Variants in PAK1 observed in about 807,000 individuals in gnomAD.
The protein encoded by PAK1 is p21 (RAC1) activated kinase 1, also known as serine/threonine-protein kinase PAK 1.
A neutral mutation model predicts 67.4 loss-of-function variants in PAK1; 29 were observed. The observed-to-expected ratio is 0.43, with a 90% CI of 0.32 to 0.59. PAK1 has a LOEUF of 0.59. PAK1 is among the 20% of genes least tolerant of loss of function. PAK1 has a pLI of 0.07. For missense variants in PAK1, 337 were observed against 670.7 expected, an observed-to-expected ratio of 0.50 and a Z score of 5.50; for synonymous variants, 223 against 237.4, an observed-to-expected ratio of 0.94 and a Z score of 0.56.
chr11:77,501,550 C>G, the PAK1 span, among the ~76,000 whole-genome samples: 1 of 152,222 alleles, frequency 6.6e-6, no homozygotes, highest in Admixed American at 6.5e-5. Flanking sequence ...CCACCCTGTT[C>G]CAGTGATCCA....
intron 5 of PAK1, among the ~76,000 whole-genome samples, chr11:77,366,938 C>T (rs1947672839): frequency 6.6e-6 from 1 of 152,108 alleles, no homozygotes; most frequent in Non-Finnish European, 1.5e-5. Flanking sequence ...GTAGGAACAA[C>T]CCAAGTACAC....
At chr11:77,490,297 C>G in the PAK1 span, among the ~76,000 whole-genome samples, 8 of 148,406 alleles carry the variant, frequency 5.4e-5, no homozygotes, top group Non-Finnish European at 8.9e-5. Context: ...TCAGCCCCCC[C>G]ACCCGGCCAG....
intron 1 of PAK1, among the ~76,000 whole-genome samples, chr11:77,460,781 A>G (rs1324266009): frequency 6.6e-6 from 1 of 152,144 alleles, no homozygotes; most frequent in East Asian, 1.9e-4. Context: ...CAAAGGAAGG[A>G]ATGGGTACAA....
At chr11:77,399,367 A>C (rs1263401811) in intron 1 of PAK1, among the ~76,000 whole-genome samples, 3 of 152,198 alleles carry the variant, frequency 2.0e-5, no homozygotes, top group Non-Finnish European at 4.4e-5. Context: ...TGATCAGTGA[A>C]GTTTCAGAAA....
chr11:77,468,282 T>C (rs1337970457), intron 1 of PAK1, among the ~76,000 whole-genome samples: 1 of 152,208 alleles, frequency 6.6e-6, no homozygotes, highest in African/African-American at 2.4e-5. Flanking sequence ...AGATGAATTC[T>C]ACAGTCAATC....
At chr11:77,364,701 C>A (rs1266589271) in intron 5 of PAK1, among the ~76,000 whole-genome samples, 5 of 152,068 alleles carry the variant, frequency 3.3e-5, no homozygotes, top group Non-Finnish European at 7.4e-5. Flanking sequence ...AAAAAGCAAT[C>A]AACAGGAACT....
At chr11:77,406,785 G>GA (rs34634626) in intron 1 of PAK1, among the ~76,000 whole-genome samples, 32,375 of 151,484 alleles carry the variant, frequency 0.21, 4,575 homozygotes, top group Non-Finnish European at 0.31. Context: ...GATTTCAAAG[G>GA]AAAAAAAAGA....
At chr11:77,379,698 T>C (rs937773833) in intron 3 of PAK1, among the ~76,000 whole-genome samples, 196 bp downstream of exon 3, 2 of 152,212 alleles carry the variant, frequency 1.3e-5, no homozygotes, top group Non-Finnish European at 2.9e-5. Context: ...AGGTTTATTA[T>C]TTAAGGAACG....
intron 14 of PAK1, among the ~76,000 whole-genome samples, chr11:77,332,150 T>C (rs901679636): frequency 6.7e-5 from 10 of 150,054 alleles, no homozygotes; most frequent in African/African-American, 2.5e-4. Flanking sequence ...CAAAAAAGTT[T>C]TTAAAAAACT....
rs552684906 is a variant in PAK1 at position 77,326,001 on chromosome 11, ATGCCC to A, written c.1552-2646_1552-2642del. Among the ~76,000 whole-genome samples the A allele has an allele frequency of 3.0e-3, 462 of 152,280 alleles. 3 individuals are homozygous for A. Among genetic ancestry groups the A allele is most frequent in the Non-Finnish European group, 4.5e-3 (307 of 68,004 alleles). On this transcript the variant is annotated intron_variant, in intron 14 of 14. Coordinates refer to ENST00000356341, the MANE Select transcript of PAK1 (RefSeq NM_002576.5). ...AGATTCATAATTAACACAGGGCAGT[ATGCCC>A]TGCCCTGCCCTGCCCTGCTCTGTCA...
At chr11:77,412,535 C>T (rs1263966686) in intron 1 of PAK1, among the ~76,000 whole-genome samples, 1 of 151,948 alleles carries the variant, frequency 6.6e-6, no homozygotes, top group African/African-American at 2.4e-5. Context: ...CTCAAGTAAT[C>T]CTCCCACCTC....
intron 9 of PAK1, 32 bp from the exon 10 acceptor site, chr11:77,343,963 A>G (rs765558883): frequency 7.1e-7 from 1 of 1,417,344 alleles, no homozygotes; most frequent in Non-Finnish European, 1.0e-6. Flanking sequence ...ATGTGCAACC[A>G]TAGTCATTCC....
chr11:77,322,813 G>C lies in PAK1; in HGVS notation c.*461C>G, dbSNP rs1394316307. 5.0e-6 allele frequency: 2 copies of C among 399,320 alleles called. No homozygotes were observed. Among genetic ancestry groups the C allele is most frequent in the East Asian group, 4.2e-5 (1 of 23,720 alleles). 24.7% of individuals were successfully genotyped at this position (399,320 alleles called of 1,614,324 possible). ...TCAAACCCCATGGCATTCCCAAGCT[G>C]TTCCAGTTTTCAAGTACAATGAGGT... On this transcript the variant is annotated 3_prime_UTR_variant, in exon 15 of 15. Transcript: ENST00000356341.
intron 1 of PAK1, among the ~76,000 whole-genome samples, chr11:77,411,312 C>A (rs1207943991): frequency 6.6e-6 from 1 of 152,044 alleles, no homozygotes; most frequent in Non-Finnish European, 1.5e-5. Flanking sequence ...CTTCACTGCA[C>A]AGATATGGCA....
intron 5 of PAK1, among the ~76,000 whole-genome samples, chr11:77,362,738 T>C (rs1946960532): frequency 6.6e-6 from 1 of 152,210 alleles, no homozygotes; most frequent in African/African-American, 2.4e-5. Context: ...GCCAGATGAT[T>C]AGAAAGTGCT....
chr11:77,505,880 G>C, the PAK1 span, among the ~76,000 whole-genome samples: 1 of 152,180 alleles, frequency 6.6e-6, no homozygotes, highest in African/African-American at 2.4e-5. Flanking sequence ...AGAAGTAAGA[G>C]CAGGTCCTAA....
At chr11:77,398,647 G>A (rs1952169785) in intron 1 of PAK1, among the ~76,000 whole-genome samples, 1 of 152,204 alleles carries the variant, frequency 6.6e-6, no homozygotes, top group Non-Finnish European at 1.5e-5. Context: ...ACAAACAGGA[G>A]TGCAGATATC....
chr11:77,509,984 T>TG, the PAK1 span, among the ~76,000 whole-genome samples: 2 of 152,240 alleles, frequency 1.3e-5, no homozygotes, highest in African/African-American at 4.8e-5. Context: ...GCCCTGAATT[T>TG]GGGGAATAGA....
At chr11:77,390,663 CTTTT>C (rs56816970) in intron 2 of PAK1, among the ~76,000 whole-genome samples, 4 of 132,760 alleles carry the variant, frequency 3.0e-5, no homozygotes, top group Admixed American at 7.6e-5. Flanking sequence ...TGCCCGACTC[CTTTT>C]TTTTTTTTTT....
Sources: allele counts gnomAD v4.1 joint callset (sites outside exome capture counted in the v4.1 genomes callset), GRCh38; gene constraint gnomAD v4.1.1; transcripts MANE v1.5; gene names NCBI Gene and HGNC (gene_info 2026-07-23, HGNC 2026-07-21).